The following IKZF1 variants were observed in gnomAD, a reference collection of about 807,000 sequenced individuals.
IKZF1 encodes DNA-binding protein Ikaros.
IKZF1 carries 10 observed loss-of-function variants against 51.7 expected under a neutral mutation model. That is an observed-to-expected ratio of 0.19 (90% CI 0.12 to 0.33). The LOEUF is 0.33. IKZF1 is among the 10% of genes least tolerant of loss of function. The probability of loss-of-function intolerance (pLI) is 1.00; values close to 1 mark genes in which losing one functional copy is unlikely to be tolerated. For missense variants in IKZF1, 484 were observed against 707.5 expected, an observed-to-expected ratio of 0.68 and a Z score of 3.58; for synonymous variants, 280 against 282.3, an observed-to-expected ratio of 0.99 and a Z score of 0.08.
intron 1 of IKZF1, chr7:50,318,370 G>A: frequency 4.4e-6 from 1 of 227,596 alleles, no homozygotes. Context: ...GGCTCGGGCT[G>A]TCTCCTGGGC....
intron 3 of IKZF1, among the ~76,000 whole-genome samples, chr7:50,339,258 T>TGTGTGTGTGTGTGTG (rs1584594509): frequency 7.6e-6 from 1 of 131,560 alleles, no homozygotes; most frequent in African/African-American, 2.9e-5. Flanking sequence ...TGTGTGTGTG[T>TGTGTGTGTGTGTGTG]TGTGGAGGAG....
chr7:50,387,511 C>T, intron 6 of IKZF1, 41 bp downstream of exon 6: 3 of 1,572,348 alleles, frequency 1.9e-6, no homozygotes, highest in Non-Finnish European at 2.6e-6. Flanking sequence ...TGGGCTCTCC[C>T]CCCAGCACGG....
At chr7:50,396,228 G>T (rs1730863968) in intron 7 of IKZF1, among the ~76,000 whole-genome samples, 2 of 151,964 alleles carry the variant, frequency 1.3e-5, no homozygotes, top group South Asian at 4.1e-4. Context: ...TCTGTTAACA[G>T]TTCTTAAAGT....
intron 1 of IKZF1, chr7:50,308,615 G>A (rs1274212249): frequency 6.6e-6 from 1 of 152,248 alleles, no homozygotes; most frequent in Non-Finnish European, 1.5e-5. Flanking sequence ...GGTTAGGACA[G>A]GAAGCACAGG....
intron 3 of IKZF1, among the ~76,000 whole-genome samples, chr7:50,359,832 G>A (rs1804677524): frequency 6.6e-6 from 1 of 152,178 alleles, no homozygotes; most frequent in African/African-American, 2.4e-5. Flanking sequence ...CTCTCAGCTT[G>A]AGCTCATGCC....
intron 4 of IKZF1, chr7:50,377,263 T>C (rs1810545647): frequency 6.4e-6 from 1 of 156,214 alleles, no homozygotes. Flanking sequence ...CAATAATCAA[T>C]GATGGAATAG....
Position 50,343,312 on chromosome 7 carries a change from A to T in IKZF1, c.160+15555A>T, listed in dbSNP as rs113738164. 7.1e-3 allele frequency among the ~76,000 whole-genome samples: 1,046 copies of T among 146,896 alleles called. 8 individuals carry two copies. The highest frequency in any genetic ancestry group is 0.026 in the African/African-American group (1,007 of 39,452). ...TCTCCATCCCTTTCTTCCTTTTAAC[A>T]TTTGATCATGGGTACCATTTCATCA... On this transcript the variant is annotated intron_variant, in intron 3 of 7. Transcript: ENST00000331340.
intron 6 of IKZF1, among the ~76,000 whole-genome samples, chr7:50,390,332 ATGAAG>A (rs1562889884): frequency 6.6e-6 from 1 of 152,212 alleles, no homozygotes. Context: ...AGCTTAATAG[ATGAAG>A]TGTGTGACCA....
chr7:50,342,771 A>G (rs1396303368), intron 3 of IKZF1, among the ~76,000 whole-genome samples: 3 of 152,168 alleles, frequency 2.0e-5, no homozygotes, highest in Non-Finnish European at 4.4e-5. Flanking sequence ...TGGCATGTGA[A>G]TCTGCTCCGC....
At chr7:50,369,436 A>G in intron 3 of IKZF1, 1 of 398,464 alleles carries the variant, frequency 2.5e-6, no homozygotes, top group Non-Finnish European at 4.4e-6. Flanking sequence ...AAGAGATGAT[A>G]TACACTTGGA....
intron 3 of IKZF1, among the ~76,000 whole-genome samples, chr7:50,357,710 T>G (rs563122859): frequency 4.6e-4 from 70 of 152,198 alleles, no homozygotes; most frequent in African/African-American, 1.3e-3. Flanking sequence ...CTCCCTGATG[T>G]GTAGTGTGGG....
At chr7:50,320,010 T>C (rs568076176) in intron 2 of IKZF1, among the ~76,000 whole-genome samples, 1 of 152,170 alleles carries the variant, frequency 6.6e-6, no homozygotes, top group African/African-American at 2.4e-5. Context: ...CTGAGTTCCA[T>C]GGAACTGGAG....
intron 4 of IKZF1, among the ~76,000 whole-genome samples, chr7:50,381,117 T>TA (rs113752498): frequency 7.9e-5 from 12 of 151,410 alleles, no homozygotes; most frequent in Admixed American, 2.0e-4. Flanking sequence ...CCCGCCAGCT[T>TA]AAAAAAAAAG....
chr7:50,354,516 G>T (rs1802727065), intron 3 of IKZF1, among the ~76,000 whole-genome samples: 1 of 152,246 alleles, frequency 6.6e-6, no homozygotes, highest in African/African-American at 2.4e-5. Flanking sequence ...CTAAGAGGTG[G>T]CTGGCAGGAG....
chr7:50,336,257 G>GGCAGGGGGAGGGT, intron 3 of IKZF1, among the ~76,000 whole-genome samples: 2 of 152,128 alleles, frequency 1.3e-5, no homozygotes, highest in South Asian at 2.1e-4. Context: ...CCCCGGCGGG[G>GGCAGGGGGAGGGT]GCAGGGGGAG....
chr7:50,398,204 T>C (rs1462781594), intron 7 of IKZF1, among the ~76,000 whole-genome samples: 4 of 152,208 alleles, frequency 2.6e-5, no homozygotes, highest in African/African-American at 9.6e-5. Flanking sequence ...TTGGGGAAGT[T>C]TTGACTTATC....
intron 3 of IKZF1, among the ~76,000 whole-genome samples, chr7:50,375,952 G>T (rs1382423111): frequency 6.6e-6 from 1 of 152,210 alleles, no homozygotes; most frequent in Non-Finnish European, 1.5e-5. Context: ...AAAGGGAACT[G>T]TGGTCAGAAC....
intron 1 of IKZF1, among the ~76,000 whole-genome samples, chr7:50,309,939 A>AC (rs1185062617): frequency 6.6e-6 from 1 of 152,044 alleles, no homozygotes; most frequent in African/African-American, 2.4e-5. Flanking sequence ...AGAGCCAGCA[A>AC]CCCCCTAGTG....
At position 50,382,527 on chromosome 7, in the gene IKZF1, C is replaced by T; in HGVS notation, c.422-13C>T. 6.2e-7 allele frequency: 1 copy of T among 1,609,542 alleles called. No homozygotes were observed. Among genetic ancestry groups the T allele is most frequent in the Non-Finnish European group, 8.5e-7 (1 of 1,176,612 alleles). On this transcript the variant is annotated splice_polypyrimidine_tract_variant and intron_variant, in intron 4 of 7. Coordinates refer to ENST00000331340, the MANE Select transcript of IKZF1 (RefSeq NM_006060.6). ...GAGTTTAGTTCTCACCAGCTCTCCT[C>T]TCTCCGTCCCAGGAGAACGGCCCTT...
Sources: gnomAD v4.1 joint callset for allele counts (sites outside exome capture counted in the v4.1 genomes callset) on GRCh38, gnomAD v4.1.1 for gene constraint, MANE v1.5 for transcripts, NCBI Gene and HGNC (gene_info 2026-07-23, HGNC 2026-07-21) for gene names.